Variants in PCDH11X observed in about 807,000 individuals in gnomAD.
PCDH11X encodes protocadherin 11 X-linked.
In PCDH11X, 18 loss-of-function variants were observed where a neutral mutation model predicts 53.3. The observed-to-expected ratio is 0.34, with a 90% confidence interval of 0.23 to 0.50. PCDH11X has a LOEUF of 0.50. Among genes scored for constraint, PCDH11X ranks in the 20% least tolerant of loss-of-function variants. PCDH11X has a pLI of 0.98. For missense variants in PCDH11X, 570 were observed against 1,032.4 expected (o/e 0.55, Z 6.14); for synonymous variants, 279 against 393.3 (o/e 0.71, Z 3.44).
chrX:92,310,000 G>A (rs2068914960), intron 8 of PCDH11X, among the ~76,000 whole-genome samples: 1 of 112,118 alleles, frequency 8.9e-6, no homozygotes, highest in Non-Finnish European at 1.9e-5. Flanking sequence ...TCAATTTCCA[G>A]ATACTCTAGT....
At chrX:92,422,134 C>CTTTTTTTTTT (rs67131959) in intron 9 of PCDH11X, among the ~76,000 whole-genome samples, 1 of 86,331 alleles carries the variant, frequency 1.2e-5, no homozygotes, top group East Asian at 3.6e-4. Context: ...AATTTCTTTT[C>CTTTTTTTTTT]TTTTTTTTTT....
intron 6 of PCDH11X, among the ~76,000 whole-genome samples, chrX:91,980,402 C>G (rs1223561879): frequency 2.0e-5 from 2 of 102,448 alleles, no homozygotes; most frequent in African/African-American, 7.1e-5. Flanking sequence ...AGCTCTGTAT[C>G]TTTTGATGGA....
intron 10 of PCDH11X, among the ~76,000 whole-genome samples, chrX:92,474,865 C>T (rs1226650180): frequency 1.8e-5 from 2 of 109,636 alleles, no homozygotes; most frequent in African/African-American, 6.7e-5. Flanking sequence ...AATATTTCTA[C>T]TTATGATAAG....
chrX:91,835,462 G>T lies in PCDH11X; in HGVS notation c.-43G>T. On this transcript the variant is annotated splice_region_variant and 5_prime_UTR_variant, in exon 5 of 11. Transcript: ENST00000682573. ...TCTCTCTCCTCTTCTTTTGGTCAGT[G>T]TTGTGCGGGTTAATACAACAAACTG... 1 of 1,210,625 alleles carries T rather than the reference G, an allele frequency of 8.3e-7. No individual in the cohort carries two copies. Among genetic ancestry groups the T allele is most frequent in the East Asian group, 3.0e-5 (1 of 33,813 alleles).
chrX:92,118,018 T>C (rs1258629396), intron 6 of PCDH11X, among the ~76,000 whole-genome samples: 1 of 112,075 alleles, frequency 8.9e-6, no homozygotes, highest in Non-Finnish European at 1.9e-5. Flanking sequence ...AGCCGGGCTA[T>C]ATAAATGTCA....
chrX:92,105,872 G>T (rs1158149189), intron 6 of PCDH11X, among the ~76,000 whole-genome samples: 1 of 111,502 alleles, frequency 9.0e-6, no homozygotes, highest in Non-Finnish European at 1.9e-5. Flanking sequence ...ATATAGTGCA[G>T]GTCACAGGGG....
At chrX:91,939,894 A>G (rs2061487891) in intron 6 of PCDH11X, among the ~76,000 whole-genome samples, 1 of 111,344 alleles carries the variant, frequency 9.0e-6, no homozygotes, top group South Asian at 3.7e-4. Flanking sequence ...TACAAAAACA[A>G]AGAATAACAC....
intron 6 of PCDH11X, among the ~76,000 whole-genome samples, chrX:92,007,277 A>G (rs1193921151): frequency 9.1e-6 from 1 of 110,459 alleles, no homozygotes; most frequent in Non-Finnish European, 1.9e-5. Flanking sequence ...TTAGAAATCT[A>G]CCTAATGTTT....
chrX:92,190,187 T>C (rs2066170495), intron 6 of PCDH11X, among the ~76,000 whole-genome samples: 1 of 111,744 alleles, frequency 8.9e-6, no homozygotes, highest in South Asian at 3.7e-4. Flanking sequence ...GGGTTTTTTA[T>C]AGTTTTGGGT....
At position 91,835,524 on chromosome X, in the gene PCDH11X, C is replaced by G; in HGVS notation, c.20C>G (p.Thr7Arg). ...CCTGGTATGGACTTGTTGTCCGGGA[C>G]GTACATTTTCGCGGTCCTGCTAGCA... Reference protein sequence around the residue: MDLLSGTYIFAVLLACV... With the variant: MDLLSGRYIFAVLLACV... Residue 7 changes from threonine (T) to arginine (R), a missense_variant, in exon 5 of 11, where the codon ACG becomes AGG. Physicochemically the swap from Thr to Arg is moderately conservative, Grantham distance 71. Coordinates refer to ENST00000682573, the MANE Select transcript of PCDH11X (RefSeq NM_032968.5). 8.3e-7 allele frequency: 1 copy of G among 1,211,121 alleles called. No individual in the cohort carries two copies. Among genetic ancestry groups the G allele is most frequent in the Non-Finnish European group, 1.1e-6 (1 of 895,406 alleles).
intron 10 of PCDH11X, among the ~76,000 whole-genome samples, chrX:92,600,282 G>A (rs1304008090): frequency 9.1e-6 from 1 of 110,174 alleles, no homozygotes; most frequent in Admixed American, 9.7e-5. Flanking sequence ...CATGTCAGAG[G>A]TCCTCATGGC....
At chrX:92,040,467 A>G (rs1004468903) in intron 6 of PCDH11X, among the ~76,000 whole-genome samples, 7 of 110,022 alleles carry the variant, frequency 6.4e-5, no homozygotes, top group Admixed American at 5.9e-4. Context: ...GGCAGCACTG[A>G]GTCCAATGCC....
At chrX:91,988,705 T>A (rs1298517420) in intron 6 of PCDH11X, among the ~76,000 whole-genome samples, 3 of 112,678 alleles carry the variant, frequency 2.7e-5, no homozygotes, top group Admixed American at 1.9e-4. Context: ...TTGATCAGTC[T>A]GCTATGGCCA....
chrX:92,184,132 G>A (rs985028839), intron 6 of PCDH11X, among the ~76,000 whole-genome samples: 1 of 111,577 alleles, frequency 9.0e-6, no homozygotes, highest in African/African-American at 3.3e-5. Context: ...GAATAAATGA[G>A]TGAATGACTG....
At chrX:92,481,634 G>T (rs967209809) in intron 10 of PCDH11X, among the ~76,000 whole-genome samples, 12 of 111,227 alleles carry the variant, frequency 1.1e-4, no homozygotes, top group Non-Finnish European at 1.9e-4. Flanking sequence ...CCTTCTGATG[G>T]GCCTGCAGAG....
intron 7 of PCDH11X, among the ~76,000 whole-genome samples, chrX:92,230,442 A>AC (rs747828159): frequency 0.02 from 386 of 19,446 alleles, 11 homozygotes; most frequent in Middle Eastern, 0.038. Flanking sequence ...TATATTATAT[A>AC]TTTATATATA....
chrX:92,355,417 C>CAAAAAAAAAAAAAAAA (rs57339128), intron 8 of PCDH11X, among the ~76,000 whole-genome samples: 2 of 23,588 alleles, frequency 8.5e-5, no homozygotes, highest in Non-Finnish European at 6.1e-5. Context: ...GACTCCGTCT[C>CAAAAAAAAAAAAAAAA]AAAAAAAAAA....
intron 6 of PCDH11X, among the ~76,000 whole-genome samples, chrX:92,053,032 T>C (rs1264778323): frequency 1.8e-5 from 2 of 112,240 alleles, no homozygotes; most frequent in Admixed American, 9.5e-5. Context: ...TAAATGTTCA[T>C]TGAATGTAAA....
rs1403628985 is a variant in PCDH11X at position 92,620,970 on chromosome X, A to C, written c.*2030A>C. 2.8e-5 allele frequency: 3 copies of C among 108,225 alleles called. No individual in the cohort carries two copies. Among genetic ancestry groups the C allele is most frequent in the Non-Finnish European group, 5.7e-5 (3 of 52,433 alleles). The allele number at this position is 108,225 out of a possible 1,213,427, so 8.9% of individuals were successfully genotyped here. A position where few individuals can be genotyped will look rare whatever the true frequency, so the allele number is the denominator to read the frequency against. On this transcript the variant is annotated 3_prime_UTR_variant, in exon 11 of 11. Coordinates refer to ENST00000682573, the MANE Select transcript of PCDH11X (RefSeq NM_032968.5). Reference sequence around the variant, plus strand: ...ATGTTGAAAATTTTAAACTTGGGGAAGATTAAGAAAAGAACCAATAGTGAC... The same window carrying C: ...ATGTTGAAAATTTTAAACTTGGGGACGATTAAGAAAAGAACCAATAGTGAC...
Sources: allele counts gnomAD v4.1 joint callset (sites outside exome capture counted in the v4.1 genomes callset), GRCh38; gene constraint gnomAD v4.1.1; transcripts MANE v1.5; gene names NCBI Gene and HGNC (gene_info 2026-07-23, HGNC 2026-07-21).